The following MTNR1A variants were observed in gnomAD, a reference collection of about 807,000 sequenced individuals.
The protein encoded by MTNR1A is melatonin receptor type 1A.
MTNR1A carries 7 observed loss-of-function variants against 5.5 expected under a neutral mutation model. The observed-to-expected ratio is 1.28, with a 90% CI of 0.73 to 2.40. The LOEUF (loss-of-function observed/expected upper bound fraction) is 2.40, where lower values mean the gene tolerates loss of function less well. MTNR1A is among the 30% of genes most tolerant of loss of function. The probability of loss-of-function intolerance (pLI) is 0.00; values close to 1 mark genes in which losing one functional copy is unlikely to be tolerated. For missense variants in MTNR1A, 441 were observed against 464.4 expected, an observed-to-expected ratio of 0.95 and a Z score of 0.46; for synonymous variants, 196 against 202.7, an observed-to-expected ratio of 0.97 and a Z score of 0.28.
At position 186,534,384 on chromosome 4, in the gene MTNR1A, C is replaced by G; in HGVS notation, c.358G>C (p.Gly120Arg). ...TAGCAGTAGCGGTTGATGGCGATGC[C>G]GGTGATGTTGAATATGGAGCCGATG... is the stretch of plus-strand genomic sequence containing the variant. The part of the protein sequence containing the change: ...SVIGSIFNIT[G>R]IAINRYCYIC... The change falls in exon 2 of 2, where the codon GGC becomes CGC. Residue 120 changes from glycine (G) to arginine (R), a missense_variant. Transcript: ENST00000307161. 1 of 1,613,988 alleles carries G rather than the reference C, an allele frequency of 6.2e-7. No homozygotes were observed. Among genetic ancestry groups the G allele is most frequent in the Non-Finnish European group, 8.5e-7 (1 of 1,179,998 alleles).
At chr4:186,540,494 TTGCAGCAAATC>T (rs1490348728) in intron 1 of MTNR1A, among the ~76,000 whole-genome samples, 5 of 152,244 alleles carry the variant, frequency 3.3e-5, no homozygotes, top group African/African-American at 1.2e-4. Context: ...CCTTAGTACT[TTGCAGCAAATC>T]TGTGCTCTCC....
Position 186,534,550 on chromosome 4 carries a change from G to C in MTNR1A, c.192C>G (p.Ile64Met), listed in dbSNP as rs774935816. ...CTGCCACCGCTAAGCTCACCACAAA[G>C]ATGTTTCCTGAAAGAGAATCGTTTA... ...RNKKLRNAGNIFVVSLAVADL... is the reference protein window; with the variant it reads ...RNKKLRNAGNMFVVSLAVADL... Residue 64 changes from isoleucine to methionine, a missense_variant, in exon 2 of 2, where the codon ATC (isoleucine) becomes ATG (methionine). By Grantham distance (10) the Ile-to-Met change is conservative (BLOSUM62 1). Coordinates refer to ENST00000307161, the MANE Select transcript of MTNR1A (RefSeq NM_005958.4). The C allele has an allele frequency of 2.1e-5, 34 of 1,611,386 alleles. No individual in the cohort carries two copies. The highest frequency in any genetic ancestry group is 2.9e-5 in the Non-Finnish European group (34 of 1,180,016).
At position 186,534,272 on chromosome 4, in the gene MTNR1A, G is replaced by T; in HGVS notation, c.470C>A (p.Ala157Glu). 1.2e-6 allele frequency: 2 copies of T among 1,614,142 alleles called. No individual in the cohort carries two copies. The highest frequency in any genetic ancestry group is 2.2e-5 in the South Asian group (2 of 91,076). The change falls in exon 2 of 2, where the codon GCG becomes GAG. Residue 157 changes from alanine to glutamate, a missense_variant. Coordinates refer to ENST00000307161, the MANE Select transcript of MTNR1A (RefSeq NM_005958.4). ...TGCACGGAGGTTGGGCAGGACGGCC[G>T]CCAGCGTCAGGAGCCATATGAGGAG... ...YVLLIWLLTL[A>E]AVLPNLRAGT...
At chr4:186,541,100 T>A (rs1403631701) in intron 1 of MTNR1A, among the ~76,000 whole-genome samples, 1 of 152,150 alleles carries the variant, frequency 6.6e-6, no homozygotes, top group Non-Finnish European at 1.5e-5. Context: ...TCCTATGGCC[T>A]CATGAGGACG....
chr4:186,538,446 G>A (rs1292081208), intron 1 of MTNR1A, among the ~76,000 whole-genome samples: 3 of 152,158 alleles, frequency 2.0e-5, no homozygotes, highest in Non-Finnish European at 4.4e-5. Flanking sequence ...CACAAGCTCG[G>A]CACTCCGAGT....
Position 186,555,501 on chromosome 4 carries a change from C to T in MTNR1A, c.-136G>A, listed in dbSNP as rs1560900121. On this transcript the variant is annotated 5_prime_UTR_variant, in exon 1 of 2. Coordinates refer to ENST00000307161, the MANE Select transcript of MTNR1A (RefSeq NM_005958.4). This position sits in a 1 kb window ranked among gnomAD's most constrained non-coding sequence, Gnocchi z 4.1. ...CTCCTCCACGCCGCGCCCCCGGACG[C>T]CCACGCCGCGCCGGACGCCACGGCC... 1 of 635,248 alleles carries T rather than the reference C, an allele frequency of 1.6e-6. No individual in the cohort carries two copies. The highest frequency in any genetic ancestry group is 2.2e-6 in the Non-Finnish European group (1 of 464,602). 39.4% of individuals were successfully genotyped at this position (635,248 alleles called of 1,614,324 possible). A position where few individuals can be genotyped will look rare whatever the true frequency, so the allele number is the denominator to read the frequency against.
At chr4:186,536,125 C>A (rs542622280) in intron 1 of MTNR1A, among the ~76,000 whole-genome samples, 25 of 151,994 alleles carry the variant, frequency 1.6e-4, no homozygotes, top group Non-Finnish European at 3.1e-4. Context: ...GTGGGTGGAT[C>A]AACTGAAGTC....
intron 1 of MTNR1A, among the ~76,000 whole-genome samples, chr4:186,545,891 G>T (rs914722847): frequency 2.6e-5 from 4 of 152,242 alleles, no homozygotes; most frequent in Non-Finnish European, 5.9e-5. Flanking sequence ...AAAGGGAAGG[G>T]CTTTACTTCG....
chr4:186,553,889 G>C (rs557715462), intron 1 of MTNR1A, among the ~76,000 whole-genome samples: 97 of 152,306 alleles, frequency 6.4e-4, no homozygotes, highest in African/African-American at 2.3e-3. Flanking sequence ...AGCAGGGCGA[G>C]CTCTGGAGGC....
rs568156495 is a variant in MTNR1A at position 186,551,332 on chromosome 4, A to G, written c.184+3850T>C. Among the ~76,000 whole-genome samples, 382 of 152,310 alleles carry G rather than the reference A, an allele frequency of 2.5e-3. 3 individuals carry two copies. Among genetic ancestry groups the G allele is most frequent in the Admixed American group, 1.4e-3 (22 of 15,294 alleles). ...ACAATGGAGATTTTGTGTATTTTGC[A>G]TAATGTCACAAATGGGAATTAGATT... On this transcript the variant is annotated intron_variant, in intron 1 of 1. Transcript: ENST00000307161.
rs1329666101 is a variant in MTNR1A at position 186,552,906 on chromosome 4, C to T, written c.184+2276G>A. On this transcript the variant is annotated intron_variant, in intron 1 of 1. Coordinates refer to ENST00000307161, the MANE Select transcript of MTNR1A (RefSeq NM_005958.4). The stretch of plus-strand genomic sequence containing the variant: ...GAATATTCTGTTGGCACCACAGATA[C>T]CAGTGGTTGTCTGCAGCCTGCGTCG... Among the ~76,000 whole-genome samples, 3 of 152,220 alleles carry T rather than the reference C, an allele frequency of 2.0e-5. No individual in the cohort carries two copies. The East Asian group carries it at 5.8e-4, about 29-fold the overall frequency.
At chr4:186,536,876 C>T (rs528115405) in intron 1 of MTNR1A, among the ~76,000 whole-genome samples, 21 of 152,236 alleles carry the variant, frequency 1.4e-4, no homozygotes, top group African/African-American at 4.1e-4. Context: ...TTATTTAGCT[C>T]AAAATGTTTA....
intron 1 of MTNR1A, among the ~76,000 whole-genome samples, chr4:186,545,409 T>C (rs1021961084): frequency 1.3e-5 from 2 of 152,076 alleles, no homozygotes; most frequent in African/African-American, 4.8e-5. Flanking sequence ...CAGCCGTCTG[T>C]CTCCCTCTGA....
At position 186,539,815 on chromosome 4, in the gene MTNR1A, T is replaced by C. The variant is rs553825531; in HGVS notation, c.185-5258A>G. On this transcript the variant is annotated intron_variant, in intron 1 of 1. Transcript: ENST00000307161. ...ACATTGTTATAACAGCAGGAACAGA[T>C]TAAGACACCAATGGGGCTTGAATTG... Among the ~76,000 whole-genome samples, 9 of 152,348 alleles carry C rather than the reference T, an allele frequency of 5.9e-5. No homozygotes were observed. In the South Asian group the frequency reaches 1.2e-3, roughly 21 times the overall value.
Position 186,533,843 on chromosome 4 carries a change from T to G in MTNR1A, c.899A>C (p.Gln300Pro). The change falls in exon 2 of 2, where the codon CAA becomes CCA. Residue 300 changes from glutamine (Q) to proline (P), a missense_variant. Gln to Pro is a moderately conservative substitution (Grantham distance 76, BLOSUM62 -1). Coordinates refer to ENST00000307161, the MANE Select transcript of MTNR1A (RefSeq NM_005958.4). ...LNAIIYGLLNQNFRKEYRRII... is the reference protein window; with the variant it reads ...LNAIIYGLLNPNFRKEYRRII... ...TCTCCTGTATTCCTTCCTGAAATTTTGGTTCAGTAGCCCGTATATAATGGC... is the reference window on the plus strand; with the variant it reads ...TCTCCTGTATTCCTTCCTGAAATTTGGGTTCAGTAGCCCGTATATAATGGC... 3 of 1,614,192 alleles carry G rather than the reference T, an allele frequency of 1.9e-6. No homozygotes were observed. Among genetic ancestry groups the G allele is most frequent in the Non-Finnish European group, 2.5e-6 (3 of 1,180,030 alleles).
In MTNR1A at chr4:186,534,213, A is replaced by T; in HGVS notation, c.529T>A (p.Cys177Ser). 1 of 1,613,978 alleles carries T rather than the reference A, an allele frequency of 6.2e-7. No homozygotes were observed. Among genetic ancestry groups the T allele is most frequent in the Non-Finnish European group, 8.5e-7 (1 of 1,179,912 alleles). Residue 177 changes from cysteine (C) to serine (S), a missense_variant, in exon 2 of 2, where the codon TGC (cysteine) becomes AGC (serine). Transcript: ENST00000307161. ...TLQYDPRIYS[C>S]TFAQSVSSAY... ...GAGCTGACGGACTGGGCGAAGGTGCACGAGTAGATCCTCGGGTCGTACTGG... is the reference window on the plus strand; with the variant it reads ...GAGCTGACGGACTGGGCGAAGGTGCTCGAGTAGATCCTCGGGTCGTACTGG...
chr4:186,553,349 C>G (rs112905177), intron 1 of MTNR1A, among the ~76,000 whole-genome samples: 2 of 152,062 alleles, frequency 1.3e-5, no homozygotes, highest in African/African-American at 4.8e-5. Flanking sequence ...TAAAGCTGTG[C>G]GGATTAAAGG....
In MTNR1A at chr4:186,540,994, C is replaced by T. The variant is rs374381041; in HGVS notation, c.185-6437G>A. On this transcript the variant is annotated intron_variant, in intron 1 of 1. Transcript: ENST00000307161. Reference sequence around the variant, plus strand: ...AAGCCGCACATCCAAGATCTGGCTCCGGCAGCTCCTGAAGGCACAGGGAAG... The same window carrying T: ...AAGCCGCACATCCAAGATCTGGCTCTGGCAGCTCCTGAAGGCACAGGGAAG... Among the ~76,000 whole-genome samples, 38 of 152,230 alleles carry T rather than the reference C, an allele frequency of 2.5e-4. No homozygotes were observed. In the South Asian group the frequency reaches 7.1e-3, roughly 28 times the overall value.
At chr4:186,541,139 A>G (rs1737014928) in intron 1 of MTNR1A, among the ~76,000 whole-genome samples, 2 of 152,194 alleles carry the variant, frequency 1.3e-5, no homozygotes, top group African/African-American at 4.8e-5. Context: ...TAAGAAAGAA[A>G]AAAACCTTCT....
Sources: allele counts gnomAD v4.1 joint callset (sites outside exome capture counted in the v4.1 genomes callset), GRCh38; gene constraint gnomAD v4.1.1; non-coding constraint Gnocchi (gnomAD v3.1); transcripts MANE v1.5; gene names NCBI Gene and HGNC (gene_info 2026-07-23, HGNC 2026-07-21).